GPC6: variants seen among roughly 807,000 people sequenced by gnomAD.
GPC6 encodes glypican 6, also known as glypican-6.
GPC6 carries 14 observed loss-of-function variants against 55.2 expected under a neutral mutation model. That is an observed-to-expected ratio of 0.25 (90% CI 0.17 to 0.40). GPC6 has a LOEUF of 0.40. GPC6 is among the 10% of genes least tolerant of loss of function. The pLI is 1.00. For synonymous variants in GPC6, 278 were observed against 259.6 expected, an observed-to-expected ratio of 1.07 and a Z score of -0.68; for missense variants, 641 against 708.5, an observed-to-expected ratio of 0.90 and a Z score of 1.08.
intron 3 of GPC6, among the ~76,000 whole-genome samples, chr13:93,874,002 C>T (rs900143275): frequency 1.3e-5 from 2 of 151,972 alleles, no homozygotes; most frequent in Non-Finnish European, 2.9e-5. Flanking sequence ...CCTATCTGGT[C>T]TCCCTGCAGC....
chr13:93,744,478 G>A (rs144395072), intron 2 of GPC6, among the ~76,000 whole-genome samples: 30 of 143,722 alleles, frequency 2.1e-4, no homozygotes, highest in Middle Eastern at 4.1e-3. Context: ...TTCAACTCAC[G>A]ATGTTCACAT....
chr13:94,063,886 C>T (rs554001367), intron 4 of GPC6, among the ~76,000 whole-genome samples: 84 of 152,186 alleles, frequency 5.5e-4, no homozygotes, highest in African/African-American at 1.9e-3. Context: ...AAAAAGATGC[C>T]GCCACCAGTT....
At chr13:93,741,461 C>A (rs1211140670) in intron 2 of GPC6, among the ~76,000 whole-genome samples, 1 of 152,104 alleles carries the variant, frequency 6.6e-6, no homozygotes, top group Non-Finnish European at 1.5e-5. Flanking sequence ...AGTCACAGGG[C>A]AAGTTATTTA....
intron 2 of GPC6, among the ~76,000 whole-genome samples, chr13:93,805,160 A>G (rs1886505254): frequency 6.6e-6 from 1 of 152,216 alleles, no homozygotes; most frequent in Non-Finnish European, 1.5e-5. Context: ...TAAAACCCAT[A>G]TGAATAGCAA....
At chr13:94,392,695 G>A (rs1399081306) in intron 7 of GPC6, among the ~76,000 whole-genome samples, 2 of 125,656 alleles carry the variant, frequency 1.6e-5, no homozygotes, top group Non-Finnish European at 3.3e-5. Flanking sequence ...GGCTGGTCTC[G>A]AACTCTCGAC....
At chr13:93,930,052 T>A (rs1318407723) in intron 3 of GPC6, among the ~76,000 whole-genome samples, 1 of 151,920 alleles carries the variant, frequency 6.6e-6, no homozygotes, top group Non-Finnish European at 1.5e-5. Context: ...ATTAAAAAAA[T>A]AAATTTAAAA....
intron 2 of GPC6, among the ~76,000 whole-genome samples, chr13:93,727,353 T>C (rs960857153): frequency 6.6e-6 from 1 of 152,164 alleles, no homozygotes; most frequent in Non-Finnish European, 1.5e-5. Flanking sequence ...AATTCTTCTA[T>C]AGATTTGATT....
At chr13:93,930,667 G>C (rs1164170144) in intron 3 of GPC6, among the ~76,000 whole-genome samples, 1 of 152,048 alleles carries the variant, frequency 6.6e-6, no homozygotes, top group African/African-American at 2.4e-5. Context: ...ATGACTGATG[G>C]GCAGATTGGA....
chr13:94,369,953 G>T (rs540975874), intron 6 of GPC6, among the ~76,000 whole-genome samples: 7 of 152,128 alleles, frequency 4.6e-5, no homozygotes, highest in African/African-American at 1.7e-4. Context: ...AATGCTGTTC[G>T]TGTATTTATT....
chr13:93,847,580 AT>A (rs1262513571), intron 3 of GPC6, among the ~76,000 whole-genome samples: 1 of 152,158 alleles, frequency 6.6e-6, no homozygotes, highest in African/African-American at 2.4e-5. Context: ...TGAAATTACA[AT>A]TTTAGTGAAT....
chr13:93,614,295 T>C (rs1878624884), intron 2 of GPC6, among the ~76,000 whole-genome samples: 1 of 152,232 alleles, frequency 6.6e-6, no homozygotes, highest in Admixed American at 6.5e-5. Context: ...GAAGACTTTC[T>C]GTTATATCTG....
intron 4 of GPC6, among the ~76,000 whole-genome samples, chr13:94,165,666 T>G (rs1594010832): frequency 6.6e-6 from 1 of 152,140 alleles, no homozygotes; most frequent in South Asian, 2.1e-4. Flanking sequence ...TTAAATTATA[T>G]CCATGAATGC....
At chr13:94,302,600 GT>G (rs112755282) in intron 5 of GPC6, among the ~76,000 whole-genome samples, 20 of 152,256 alleles carry the variant, frequency 1.3e-4, no homozygotes, top group African/African-American at 4.6e-4. Context: ...TAATACAAAA[GT>G]TTTTTTATCA....
At chr13:94,400,841 T>C (rs1881097497) in intron 8 of GPC6, among the ~76,000 whole-genome samples, 1 of 152,240 alleles carries the variant, frequency 6.6e-6, no homozygotes, top group South Asian at 2.1e-4. Flanking sequence ...TCCAGTTTCC[T>C]GAGCCCTTCC....
At chr13:93,238,990 G>A (rs1006968615) in intron 1 of GPC6, among the ~76,000 whole-genome samples, 2 of 151,956 alleles carry the variant, frequency 1.3e-5, no homozygotes, top group African/African-American at 4.8e-5. Flanking sequence ...TATTTGGTTT[G>A]CTATGTTTTG....
intron 3 of GPC6, among the ~76,000 whole-genome samples, chr13:93,989,409 A>G (rs1881187225): frequency 6.6e-6 from 1 of 152,198 alleles, no homozygotes; most frequent in Non-Finnish European, 1.5e-5. Context: ...TCTGAAAACC[A>G]CCGCTGCTCA....
chr13:94,063,700 T>C (rs868088122), intron 4 of GPC6, among the ~76,000 whole-genome samples: 28 of 152,152 alleles, frequency 1.8e-4, no homozygotes, highest in Admixed American at 1.0e-3. Context: ...GAACTGATTA[T>C]TCACATCAGG....
intron 2 of GPC6, among the ~76,000 whole-genome samples, chr13:93,803,660 T>C (rs1457042466): frequency 1.3e-5 from 2 of 152,156 alleles, no homozygotes; most frequent in Non-Finnish European, 2.9e-5. Context: ...TTATTCTTAA[T>C]AGCCAAATTG....
intron 2 of GPC6, among the ~76,000 whole-genome samples, chr13:93,572,678 A>C (rs1876465182): frequency 6.6e-6 from 1 of 152,156 alleles, no homozygotes; most frequent in African/African-American, 2.4e-5. Context: ...TAGTATACCT[A>C]ATTGGTTTGT....
Sources: gnomAD v4.1 joint callset for allele counts (sites outside exome capture counted in the v4.1 genomes callset) on GRCh38, gnomAD v4.1.1 for gene constraint, MANE v1.5 for transcripts, NCBI Gene and HGNC (gene_info 2026-07-23, HGNC 2026-07-21) for gene names.